COL25A1: variants seen among roughly 807,000 people sequenced by gnomAD.
COL25A1 encodes the protein collagen type XXV alpha 1 chain, also known as collagen alpha-1(XXV) chain.
A neutral mutation model predicts 128.4 loss-of-function variants in COL25A1; 103 were observed. The observed-to-expected ratio is 0.80, with a 90% CI of 0.68 to 0.94. The LOEUF is 0.94. COL25A1 is among the 40% of genes least tolerant of loss of function. The pLI, the probability that COL25A1 is intolerant of heterozygous loss-of-function variation, is 0.00. For missense variants in COL25A1, 745 were observed against 840.0 expected, an observed-to-expected ratio of 0.89 and a Z score of 1.40; for synonymous variants, 279 against 277.2, an observed-to-expected ratio of 1.01 and a Z score of -0.06.
chr4:108,989,366 A>AT (rs1309005968), intron 6 of COL25A1, among the ~76,000 whole-genome samples: 2 of 151,894 alleles, frequency 1.3e-5, no homozygotes, highest in African/African-American at 4.8e-5. Context: ...TACTATGTTT[A>AT]TTTTTTTTCA....
chr4:108,925,664 G>GT (rs1190285938), intron 11 of COL25A1, among the ~76,000 whole-genome samples: 7 of 152,118 alleles, frequency 4.6e-5, no homozygotes, highest in East Asian at 1.9e-4. Context: ...AGCAAATCAG[G>GT]TTTTTTTATT....
chr4:109,220,272 T>C (rs940659098), intron 3 of COL25A1, among the ~76,000 whole-genome samples: 8 of 152,366 alleles, frequency 5.3e-5, no homozygotes, highest in African/African-American at 1.9e-4. Flanking sequence ...GATTTTGCTC[T>C]TCAGTGAACG....
chr4:109,057,449 T>G (rs1471536478), intron 3 of COL25A1, among the ~76,000 whole-genome samples: 9 of 136,992 alleles, frequency 6.6e-5, no homozygotes, highest in Middle Eastern at 3.7e-3. Flanking sequence ...TTTTTTTTTT[T>G]TTTTGCATTT....
At chr4:109,077,025 G>A (rs531433714) in intron 3 of COL25A1, among the ~76,000 whole-genome samples, 1 of 152,186 alleles carries the variant, frequency 6.6e-6, no homozygotes, top group African/African-American at 2.4e-5. Flanking sequence ...ACCGATACCC[G>A]AACTTTGAAG....
intron 13 of COL25A1, among the ~76,000 whole-genome samples, chr4:108,908,130 G>GC (rs1300782420): frequency 6.6e-6 from 1 of 152,062 alleles, no homozygotes; most frequent in Non-Finnish European, 1.5e-5. Flanking sequence ...GCTTTTTCCA[G>GC]CCCCCTGCTC....
chr4:108,926,534 A>C (rs1203597574), intron 11 of COL25A1, among the ~76,000 whole-genome samples: 2 of 152,220 alleles, frequency 1.3e-5, no homozygotes, highest in Non-Finnish European at 2.9e-5. Flanking sequence ...AAAGGGAAGA[A>C]TGATAACACG....
chr4:109,126,758 C>T (rs1768657703), intron 3 of COL25A1, among the ~76,000 whole-genome samples: 1 of 151,946 alleles, frequency 6.6e-6, no homozygotes, highest in Non-Finnish European at 1.5e-5. Context: ...TTATGTTTTC[C>T]CCAACTTTAT....
intron 3 of COL25A1, among the ~76,000 whole-genome samples, chr4:109,266,577 C>G (rs1015295767): frequency 6.6e-6 from 1 of 151,724 alleles, no homozygotes; most frequent in East Asian, 1.9e-4. Context: ...CTAGGACAGG[C>G]TTTCATAAAT....
At chr4:108,939,222 A>C (rs1387873677) in intron 10 of COL25A1, among the ~76,000 whole-genome samples, 1 of 152,196 alleles carries the variant, frequency 6.6e-6, no homozygotes, top group African/African-American at 2.4e-5. Context: ...TCAATGGGAG[A>C]GCTTTAAATA....
At chr4:109,195,966 T>A (rs1776004652) in intron 3 of COL25A1, among the ~76,000 whole-genome samples, 2 of 152,208 alleles carry the variant, frequency 1.3e-5, no homozygotes, top group African/African-American at 4.8e-5. Flanking sequence ...CTTTCTAATT[T>A]CATATTTACA....
Position 109,047,510 on chromosome 4 carries a change from C to T in COL25A1, c.420+658G>A, listed in dbSNP as rs540455952. ...GTGAAGGGGGTGAGGGATAAACGAC[C>T]ACAAATAGGGTGAAGTGTATACTGC... On this transcript the variant is annotated intron_variant, in intron 5 of 37. Coordinates refer to ENST00000399132, the MANE Select transcript of COL25A1 (RefSeq NM_198721.4). Among the ~76,000 whole-genome samples, 387 of 152,074 alleles carry T rather than the reference C, an allele frequency of 2.5e-3. 2 individuals are homozygous for T. The highest frequency in any genetic ancestry group is 8.6e-3 in the African/African-American group (358 of 41,456).
chr4:108,810,425 G>A lies in COL25A1; in HGVS notation c.*3502C>T, dbSNP rs1053854123. On this transcript the variant is annotated 3_prime_UTR_variant, in exon 38 of 38. Transcript: ENST00000399132. ...GCACAGAATGTAAATTCAAAAACAAGACCTTTCTTCTGGTAGGAATTAAAG... is the reference window on the plus strand; with the variant it reads ...GCACAGAATGTAAATTCAAAAACAAAACCTTTCTTCTGGTAGGAATTAAAG... The A allele has an allele frequency of 6.6e-6, 1 of 151,726 alleles. No individual in the cohort carries two copies. The highest frequency in any genetic ancestry group is 2.4e-5 in the African/African-American group (1 of 41,366). The allele number at this position is 151,726 out of a possible 1,614,324, so 9.4% of individuals were successfully genotyped here.
At chr4:109,066,123 T>C (rs1762427894) in intron 3 of COL25A1, among the ~76,000 whole-genome samples, 1 of 152,166 alleles carries the variant, frequency 6.6e-6, no homozygotes, top group Non-Finnish European at 1.5e-5. Context: ...TCTAGAATAA[T>C]AGTGATGGAA....
At position 109,105,428 on chromosome 4, in the gene COL25A1, C is replaced by T. The variant is rs569246875; in HGVS notation, c.368-55249G>A. Among the ~76,000 whole-genome samples the T allele has an allele frequency of 1.9e-4, 29 of 152,252 alleles. No individual in the cohort carries two copies. The South Asian group carries it at 5.6e-3, about 29-fold the overall frequency. On this transcript the variant is annotated intron_variant, in intron 3 of 37. Coordinates refer to ENST00000399132, the MANE Select transcript of COL25A1 (RefSeq NM_198721.4). ...GGCAGAGGTTGCAGGGAGCCAAGAT[C>T]GTGCCACTGCACTCCAGCTTGGGAT...
At chr4:108,864,052 CA>C (rs1315387063) in intron 20 of COL25A1, among the ~76,000 whole-genome samples, 1 of 152,156 alleles carries the variant, frequency 6.6e-6, no homozygotes. Context: ...CATAAATCCC[CA>C]CTCATCTATC....
chr4:108,980,520 G>A (rs1367798567), intron 6 of COL25A1, among the ~76,000 whole-genome samples: 1 of 152,194 alleles, frequency 6.6e-6, no homozygotes, highest in Non-Finnish European at 1.5e-5. Context: ...TCTGGTTTTA[G>A]TGTTATATTT....
chr4:109,093,532 G>A (rs917263062), intron 3 of COL25A1, among the ~76,000 whole-genome samples: 1 of 151,538 alleles, frequency 6.6e-6, no homozygotes, highest in African/African-American at 2.4e-5. Context: ...AGCTACCTGG[G>A]AGGCTGAGGT....
At chr4:108,828,186 G>C (rs1044291360) in intron 32 of COL25A1, among the ~76,000 whole-genome samples, 1 of 152,152 alleles carries the variant, frequency 6.6e-6, no homozygotes, top group African/African-American at 2.4e-5. Context: ...TGTTGCCCGG[G>C]CTAGAGTGCA....
At chr4:109,036,170 G>A (rs1292361346) in intron 5 of COL25A1, among the ~76,000 whole-genome samples, 5 of 151,838 alleles carry the variant, frequency 3.3e-5, no homozygotes, top group Admixed American at 6.6e-5. Flanking sequence ...CTCATGATCC[G>A]CCCACCTCAA....
Sources: allele counts gnomAD v4.1 joint callset (sites outside exome capture counted in the v4.1 genomes callset), GRCh38; gene constraint gnomAD v4.1.1; transcripts MANE v1.5; gene names NCBI Gene and HGNC (gene_info 2026-07-23, HGNC 2026-07-21).